The following IL7 variants were observed in gnomAD, a reference collection of about 807,000 sequenced individuals.
The protein encoded by IL7 is interleukin 7, also known as interleukin-7.
Under a neutral mutation model 21.6 loss-of-function variants are expected in IL7, and 3 were observed. That is an observed-to-expected ratio of 0.14 (90% confidence interval 0.06 to 0.36). The LOEUF (loss-of-function observed/expected upper bound fraction) is 0.36, where lower values mean the gene tolerates loss of function less well. IL7 is among the 10% of genes least tolerant of loss of function. The pLI is 1.00. For synonymous variants in IL7, 62 were observed against 68.1 expected, an observed-to-expected ratio of 0.91 and a Z score of 0.44; for missense variants, 175 against 200.2, an observed-to-expected ratio of 0.87 and a Z score of 0.76.
intron 4 of IL7, among the ~76,000 whole-genome samples, chr8:78,681,637 G>A (rs2130459738): frequency 6.6e-6 from 1 of 152,156 alleles, no homozygotes; most frequent in African/African-American, 2.4e-5. Flanking sequence ...TTTCTTATAT[G>A]TCTACAAAAA....
chr8:78,677,888 T>C (rs951358522), intron 4 of IL7, among the ~76,000 whole-genome samples: 5 of 152,194 alleles, frequency 3.3e-5, no homozygotes, highest in Admixed American at 6.5e-5. Context: ...TGAAGGCTGC[T>C]GGTTGCCCAC....
At chr8:78,799,110 T>C (rs1269586310) in intron 1 of IL7, among the ~76,000 whole-genome samples, 2 of 152,150 alleles carry the variant, frequency 1.3e-5, no homozygotes, top group Non-Finnish European at 1.5e-5. Flanking sequence ...AGTGTCTTAT[T>C]TGTATCTTTT....
chr8:78,764,498 A>G (rs1812686878), intron 2 of IL7, among the ~76,000 whole-genome samples: 1 of 152,092 alleles, frequency 6.6e-6, no homozygotes, highest in African/African-American at 2.4e-5. Flanking sequence ...TGCAGGATAC[A>G]AGAGAAATAA....
intron 4 of IL7, among the ~76,000 whole-genome samples, chr8:78,737,032 G>T (rs980933434): frequency 6.6e-6 from 1 of 152,016 alleles, no homozygotes; most frequent in South Asian, 2.1e-4. Flanking sequence ...CAAGAAAAAG[G>T]TGACTTGTAT....
chr8:78,709,290 T>C (rs1367536189), intron 3 of IL7, among the ~76,000 whole-genome samples: 2 of 152,234 alleles, frequency 1.3e-5, no homozygotes, highest in Non-Finnish European at 2.9e-5. Flanking sequence ...ATTTAAAACA[T>C]TAAGAAGTAA....
In IL7 at chr8:78,743,187, C is replaced by T. The variant is rs192138190; in HGVS notation, c.148-3105G>A. Among the ~76,000 whole-genome samples the T allele has an allele frequency of 4.6e-5, 7 of 152,256 alleles. No individual in the cohort carries two copies. The East Asian group carries it at 1.3e-3, about 29-fold the overall frequency. ...CATGTCTTTGCCATTGTGAATAGTG[C>T]TGCAATGAACATACATGTGCATGTG... is the stretch of plus-strand genomic sequence containing the variant. On this transcript the variant is annotated intron_variant, in intron 2 of 5. Coordinates refer to ENST00000263851, the MANE Select transcript of IL7 (RefSeq NM_000880.4).
At position 78,739,993 on chromosome 8, in the gene IL7, TATC is replaced by T. The variant is rs780273836; in HGVS notation, c.228+6_228+8del. ...GCTTGAATGACAAACTCCAAATAAT[TATC>T]ATTACCTTATTAGCATCACAGATAT... On this transcript the variant is annotated splice_donor_region_variant and intron_variant, in intron 3 of 5. Coordinates refer to ENST00000263851, the MANE Select transcript of IL7 (RefSeq NM_000880.4). 1 of 1,513,600 alleles carries T rather than the reference TATC, an allele frequency of 6.6e-7. No individual in the cohort carries two copies. Among genetic ancestry groups the T allele is most frequent in the Non-Finnish European group, 8.8e-7 (1 of 1,139,580 alleles). 93.8% of individuals were successfully genotyped at this position (1,513,600 alleles called of 1,614,324 possible).
chr8:78,749,175 C>T (rs1812082703), intron 2 of IL7, among the ~76,000 whole-genome samples: 1 of 152,088 alleles, frequency 6.6e-6, no homozygotes, highest in African/African-American at 2.4e-5. Flanking sequence ...AGTTTAGTTT[C>T]TTATGTACTC....
chr8:78,695,991 A>G (rs576055203), intron 3 of IL7, among the ~76,000 whole-genome samples: 71 of 152,282 alleles, frequency 4.7e-4, no homozygotes, highest in African/African-American at 1.7e-3. Context: ...ATTATTGGTT[A>G]TAAAATATGA....
intron 5 of IL7, among the ~76,000 whole-genome samples, chr8:78,735,023 A>G (rs931612171): frequency 6.6e-6 from 1 of 152,136 alleles, no homozygotes; most frequent in Non-Finnish European, 1.5e-5. Context: ...TAAAGAATAC[A>G]TTTCAAAGAT....
chr8:78,676,746 G>A (rs1026748362), intron 4 of IL7, among the ~76,000 whole-genome samples: 2 of 151,718 alleles, frequency 1.3e-5, no homozygotes, highest in African/African-American at 4.8e-5. Context: ...AAAACATCTT[G>A]CCCACACATT....
intron 1 of IL7, among the ~76,000 whole-genome samples, chr8:78,802,383 T>G (rs1814095915): frequency 6.6e-6 from 1 of 152,054 alleles, no homozygotes; most frequent in Admixed American, 6.5e-5. Context: ...ATGGAGAATC[T>G]GGGGCACAAA....
chr8:78,766,010 A>T (rs1273296370), intron 2 of IL7, among the ~76,000 whole-genome samples: 4 of 152,146 alleles, frequency 2.6e-5, no homozygotes, highest in Non-Finnish European at 5.9e-5. Flanking sequence ...GAAATGAGCT[A>T]TAAAGCAACA....
chr8:78,742,967 G>A (rs915018216), intron 2 of IL7, among the ~76,000 whole-genome samples: 1 of 152,168 alleles, frequency 6.6e-6, no homozygotes, highest in African/African-American at 2.4e-5. Flanking sequence ...ACTTATAAGT[G>A]AGAACATGTG....
intron 2 of IL7, among the ~76,000 whole-genome samples, chr8:78,792,018 G>C (rs974394283): frequency 1.3e-5 from 2 of 152,042 alleles, no homozygotes; most frequent in Non-Finnish European, 2.9e-5. Flanking sequence ...AAACATAATT[G>C]AAAGACAAAA....
intron 3 of IL7, among the ~76,000 whole-genome samples, chr8:78,704,242 G>T (rs1478883015): frequency 2.6e-5 from 4 of 151,900 alleles, no homozygotes; most frequent in African/African-American, 9.7e-5. Flanking sequence ...ACAAAAATTA[G>T]CCGGGTGTGG....
rs1812560079 is a variant in IL7, at chr8:78,761,629, A to G, written c.148-21547T>C. On this transcript the variant is annotated intron_variant, in intron 2 of 5. Transcript: ENST00000263851. ...GCTCTTCCCCTGCTATGTCCACTAC[A>G]TCGTCAGTGATAATGGAAAAGACGT... 4 of 1,611,992 alleles carry G rather than the reference A, an allele frequency of 2.5e-6. No homozygotes were observed. In the East Asian group the frequency reaches 6.7e-5, roughly 27 times the overall value.
At chr8:78,802,176 A>G (rs933450357) in intron 1 of IL7, among the ~76,000 whole-genome samples, 5 of 152,176 alleles carry the variant, frequency 3.3e-5, no homozygotes, top group African/African-American at 1.2e-4. Flanking sequence ...AATACATTCA[A>G]TCCTCAGCTG....
At chr8:78,759,789 A>T (rs1378888840) in intron 2 of IL7, among the ~76,000 whole-genome samples, 1 of 152,144 alleles carries the variant, frequency 6.6e-6, no homozygotes, top group African/African-American at 2.4e-5. Context: ...TTCCTCCCAC[A>T]CCTCTTCAAA....
Sources: allele counts gnomAD v4.1 joint callset (sites outside exome capture counted in the v4.1 genomes callset), GRCh38; gene constraint gnomAD v4.1.1; transcripts MANE v1.5; gene names NCBI Gene and HGNC (gene_info 2026-07-23, HGNC 2026-07-21).